CTNNA3: variants seen among roughly 807,000 people sequenced by gnomAD.
CTNNA3 encodes catenin alpha-3.
CTNNA3 carries 76 observed loss-of-function variants against 95.7 expected under a neutral mutation model. That is an observed-to-expected ratio of 0.79 (90% CI 0.66 to 0.96). CTNNA3 has a LOEUF of 0.96. Among genes scored for constraint, CTNNA3 ranks in the 40% least tolerant of loss-of-function variants. CTNNA3 has a pLI of 0.00. For missense variants in CTNNA3, 1,191 were observed against 1,089.8 expected, an observed-to-expected ratio of 1.09 and a Z score of -1.31; for synonymous variants, 431 against 374.4, an observed-to-expected ratio of 1.15 and a Z score of -1.74.
intron 7 of CTNNA3, among the ~76,000 whole-genome samples, chr10:67,136,348 C>A (rs893569864): frequency 3.9e-5 from 6 of 152,004 alleles, no homozygotes; most frequent in Admixed American, 1.3e-4. Context: ...TTGCTGCTAC[C>A]TTTATTTATT....
chr10:67,263,289 C>T (rs1866688195), intron 5 of CTNNA3, among the ~76,000 whole-genome samples: 1 of 152,124 alleles, frequency 6.6e-6, no homozygotes, highest in Admixed American at 6.5e-5. Flanking sequence ...AGACCTAGTA[C>T]TATTGTGATC....
chr10:66,673,240 C>A (rs553025040), intron 9 of CTNNA3, among the ~76,000 whole-genome samples: 1 of 152,028 alleles, frequency 6.6e-6, no homozygotes, highest in Non-Finnish European at 1.5e-5. Context: ...TGCATACCAC[C>A]TTTGTTTATG....
intron 2 of CTNNA3, among the ~76,000 whole-genome samples, chr10:67,617,345 A>T (rs1843688882): frequency 6.6e-6 from 1 of 152,098 alleles, no homozygotes. Flanking sequence ...AAGTGAGCAC[A>T]CAAGTGGTAT....
intron 13 of CTNNA3, among the ~76,000 whole-genome samples, chr10:66,187,586 C>T (rs1381403341): frequency 1.3e-5 from 2 of 151,672 alleles, no homozygotes; most frequent in African/African-American, 4.8e-5. Context: ...ACAACGTGCA[C>T]CCTGAGCTCC....
chr10:66,296,700 G>A (rs914412069), intron 12 of CTNNA3, among the ~76,000 whole-genome samples: 1 of 151,986 alleles, frequency 6.6e-6, no homozygotes, highest in Non-Finnish European at 1.5e-5. Context: ...TATAATCCAA[G>A]GGAGGATTAT....
rs931158226 is a variant in CTNNA3, at chr10:66,563,595, G to A, written c.1375-42822C>T. Among the ~76,000 whole-genome samples the A allele has an allele frequency of 2.6e-5, 4 of 152,104 alleles. No individual in the cohort carries two copies. In the South Asian group the frequency reaches 8.3e-4, roughly 32 times the overall value. On this transcript the variant is annotated intron_variant, in intron 10 of 17. Transcript: ENST00000433211. ...CTAAACCAAAGAGAAAAGTCAAGCT[G>A]GGAACCATGTTGGGCAAACCCTCCT... is the stretch of plus-strand genomic sequence containing the variant.
chr10:67,285,253 G>C (rs917930239), intron 5 of CTNNA3, among the ~76,000 whole-genome samples: 1 of 152,186 alleles, frequency 6.6e-6, no homozygotes, highest in Non-Finnish European at 1.5e-5. Context: ...ATGAAAGGTA[G>C]AGGAGAAAAT....
At chr10:66,695,547 T>C (rs1304477418) in intron 9 of CTNNA3, among the ~76,000 whole-genome samples, 1 of 152,150 alleles carries the variant, frequency 6.6e-6, no homozygotes, top group Non-Finnish European at 1.5e-5. Flanking sequence ...ATACCCTCTG[T>C]GATACACATA....
chr10:66,440,878 C>A (rs1381160907), intron 11 of CTNNA3, among the ~76,000 whole-genome samples: 1 of 152,142 alleles, frequency 6.6e-6, no homozygotes, highest in Non-Finnish European at 1.5e-5. Flanking sequence ...TTGTTCCCTC[C>A]AAACATGTCT....
chr10:66,371,645 G>T (rs1037775359), intron 12 of CTNNA3, among the ~76,000 whole-genome samples: 1 of 152,002 alleles, frequency 6.6e-6, no homozygotes, highest in Non-Finnish European at 1.5e-5. Flanking sequence ...TTGCTTCCTC[G>T]TTGATAATCA....
intron 10 of CTNNA3, among the ~76,000 whole-genome samples, chr10:66,595,121 T>A (rs1459475733): frequency 1.3e-5 from 2 of 151,966 alleles, no homozygotes; most frequent in East Asian, 3.9e-4. Context: ...AGCTCAAGAA[T>A]CCAGCTAAGA....
At chr10:66,789,680 T>C (rs1479170824) in intron 7 of CTNNA3, among the ~76,000 whole-genome samples, 1 of 152,156 alleles carries the variant, frequency 6.6e-6, no homozygotes, top group African/African-American at 2.4e-5. Flanking sequence ...CTAGGTACTG[T>C]AATTAATAGA....
intron 9 of CTNNA3, among the ~76,000 whole-genome samples, chr10:66,706,924 C>G (rs1848137480): frequency 6.6e-6 from 1 of 151,726 alleles, no homozygotes; most frequent in Non-Finnish European, 1.5e-5. Flanking sequence ...ACTGAAAATA[C>G]AAAAACATTA....
intron 13 of CTNNA3, among the ~76,000 whole-genome samples, chr10:66,223,628 A>G (rs1415381200): frequency 1.3e-5 from 2 of 152,198 alleles, no homozygotes; most frequent in African/African-American, 4.8e-5. Context: ...ATCATAAGAA[A>G]AGTGAGGTTT....
chr10:67,496,985 A>G (rs1839044170), intron 5 of CTNNA3, among the ~76,000 whole-genome samples: 1 of 152,154 alleles, frequency 6.6e-6, no homozygotes, highest in South Asian at 2.1e-4. Flanking sequence ...CAGAAAGTGC[A>G]GGTTTGTTAA....
In CTNNA3 at chr10:66,373,409, T is replaced by C. The variant is rs903061182; in HGVS notation, c.1732+5743A>G. On this transcript the variant is annotated intron_variant, in intron 12 of 17. Coordinates refer to ENST00000433211, the MANE Select transcript of CTNNA3 (RefSeq NM_013266.4). The stretch of plus-strand genomic sequence containing the variant: ...AACAGCTACTTTCTTCAACTCATAA[T>C]GTCACCTAAGGTCCCACACTCCTAT... Among the ~76,000 whole-genome samples the C allele has an allele frequency of 2.6e-5, 4 of 152,054 alleles. No individual in the cohort carries two copies. In the South Asian group the frequency reaches 8.3e-4, roughly 31 times the overall value.
chr10:66,554,600 C>CT, intron 10 of CTNNA3, among the ~76,000 whole-genome samples: 1 of 152,182 alleles, frequency 6.6e-6, no homozygotes, highest in South Asian at 2.1e-4. Context: ...TCCCAGTCCT[C>CT]TGTTTACCTG....
intron 2 of CTNNA3, among the ~76,000 whole-genome samples, chr10:67,643,412 G>A (rs1053411339): frequency 6.6e-6 from 1 of 151,910 alleles, no homozygotes; most frequent in Non-Finnish European, 1.5e-5. Context: ...AACCACCATG[G>A]CACGTGTTTA....
At chr10:66,712,671 G>A (rs1848334441) in intron 9 of CTNNA3, among the ~76,000 whole-genome samples, 1 of 151,836 alleles carries the variant, frequency 6.6e-6, no homozygotes, top group Non-Finnish European at 1.5e-5. Flanking sequence ...TAACGCTATG[G>A]CACAGCAGAG....
Sources: gnomAD v4.1 joint callset for allele counts (sites outside exome capture counted in the v4.1 genomes callset) on GRCh38, gnomAD v4.1.1 for gene constraint, MANE v1.5 for transcripts, NCBI Gene and HGNC (gene_info 2026-07-23, HGNC 2026-07-21) for gene names.